Variants in TGFB2 observed in about 807,000 individuals in gnomAD.
TGFB2 encodes the protein transforming growth factor beta-2 proprotein.
A neutral mutation model predicts 42.7 loss-of-function variants in TGFB2; 13 were observed. That is an observed-to-expected ratio of 0.30 (90% CI 0.20 to 0.48). TGFB2 has a LOEUF of 0.48. TGFB2 is among the 20% of genes least tolerant of loss of function. TGFB2 has a pLI of 0.99. For missense variants in TGFB2, 390 were observed against 517.5 expected (o/e 0.75, Z 2.39); for synonymous variants, 193 against 193.6 (o/e 1.00, Z 0.03).
At chr1:218,371,582 G>A (rs544107481) in intron 1 of TGFB2, among the ~76,000 whole-genome samples, 15 of 152,254 alleles carry the variant, frequency 9.9e-5, no homozygotes, top group Middle Eastern at 3.4e-3. Context: ...GTCCTGATAC[G>A]TTATATGGAG....
rs1316319151 is a variant in TGFB2, at chr1:218,347,041, T to C, written c.340T>C (p.Ser114Pro). The C allele has an allele frequency of 1.3e-6, 2 of 1,577,758 alleles. No individual in the cohort carries two copies. The highest frequency in any genetic ancestry group is 1.3e-5 in the African/African-American group (1 of 74,086). ...AATAGACATGCCGCCCTTCTTCCCC[T>C]CCGAAAGTAAGTACTTATTTTGACT... The part of the protein sequence containing the change: ...YKIDMPPFFP[S>P]ENAIPPTFYR... Residue 114 changes from serine to proline, a missense_variant, in exon 1 of 7, where the codon TCC becomes CCC. Coordinates refer to ENST00000366930, the MANE Select transcript of TGFB2 (RefSeq NM_003238.6).
At chr1:218,390,766 G>A (rs963112067) in intron 1 of TGFB2, among the ~76,000 whole-genome samples, 3 of 152,050 alleles carry the variant, frequency 2.0e-5, no homozygotes, top group African/African-American at 7.2e-5. Context: ...AACACCCTTG[G>A]CTCCATTCCA....
At chr1:218,427,781 C>T (rs1659671703) in intron 2 of TGFB2, among the ~76,000 whole-genome samples, 1 of 152,126 alleles carries the variant, frequency 6.6e-6, no homozygotes, top group South Asian at 2.1e-4. Flanking sequence ...GTGAATAGTG[C>T]CGCAATAAAC....
chr1:218,416,884 A>G (rs10482786), intron 2 of TGFB2, among the ~76,000 whole-genome samples: 3,729 of 152,288 alleles, frequency 0.024, 165 homozygotes, highest in African/African-American at 0.085. Flanking sequence ...CCCCCGCACA[A>G]GCTCTCTTTC....
At chr1:218,376,969 C>A (rs1397213414) in intron 1 of TGFB2, among the ~76,000 whole-genome samples, 1 of 152,176 alleles carries the variant, frequency 6.6e-6, no homozygotes, top group African/African-American at 2.4e-5. Flanking sequence ...TGATAGCTCA[C>A]TGCAGCCTTG....
At chr1:218,422,658 C>T (rs778868871) in intron 2 of TGFB2, among the ~76,000 whole-genome samples, 1 of 152,166 alleles carries the variant, frequency 6.6e-6, no homozygotes, top group Non-Finnish European at 1.5e-5. Flanking sequence ...ATCTACCTGG[C>T]AAGGATAGAT....
intron 1 of TGFB2, among the ~76,000 whole-genome samples, chr1:218,382,107 G>GA (rs369727722): frequency 5.4e-5 from 8 of 149,514 alleles, no homozygotes; most frequent in African/African-American, 1.5e-4. Flanking sequence ...CAACTCAACT[G>GA]AAAAAAAAAA....
At chr1:218,409,602 A>G (rs1659029458) in intron 2 of TGFB2, among the ~76,000 whole-genome samples, 1 of 152,222 alleles carries the variant, frequency 6.6e-6, no homozygotes, top group Non-Finnish European at 1.5e-5. Context: ...ATAGTCAGGA[A>G]ACTGAACACA....
intron 6 of TGFB2, 88 bp downstream of exon 6, chr1:218,437,584 C>T (rs962813068): frequency 3.6e-6 from 5 of 1,385,984 alleles, no homozygotes; most frequent in Middle Eastern, 1.9e-4. Flanking sequence ...TAATTAACCT[C>T]GTGCTGTCTT....
chr1:218,436,835 C>G (rs1441018771), intron 5 of TGFB2, among the ~76,000 whole-genome samples: 1 of 152,180 alleles, frequency 6.6e-6, no homozygotes, highest in Non-Finnish European at 1.5e-5. Flanking sequence ...CAGCAAGACT[C>G]CATGTTTCTT....
At chr1:218,356,944 G>C (rs1657054648) in intron 1 of TGFB2, among the ~76,000 whole-genome samples, 1 of 152,230 alleles carries the variant, frequency 6.6e-6, no homozygotes, top group South Asian at 2.1e-4. Flanking sequence ...GGGTGCAGTG[G>C]CTGGCGCCTG....
chr1:218,426,560 T>C (rs1571894163), intron 2 of TGFB2, among the ~76,000 whole-genome samples: 1 of 152,190 alleles, frequency 6.6e-6, no homozygotes. Flanking sequence ...TTATATCTAA[T>C]GATTATATAT....
At chr1:218,415,144 G>A (rs1164110039) in intron 2 of TGFB2, among the ~76,000 whole-genome samples, 1 of 152,184 alleles carries the variant, frequency 6.6e-6, no homozygotes, top group African/African-American at 2.4e-5. Context: ...TAGAGATAAT[G>A]CATGGAAACT....
At chr1:218,380,412 T>A (rs1158159095) in intron 1 of TGFB2, among the ~76,000 whole-genome samples, 1 of 152,120 alleles carries the variant, frequency 6.6e-6, no homozygotes, top group Admixed American at 6.5e-5. Flanking sequence ...AGTCTGAAAC[T>A]GGCAACAGTA....
chr1:218,354,341 A>G (rs540643148), intron 1 of TGFB2, among the ~76,000 whole-genome samples: 2 of 152,310 alleles, frequency 1.3e-5, no homozygotes, highest in Admixed American at 6.5e-5. Flanking sequence ...TCACTATGCT[A>G]AAGAGCACAG....
At chr1:218,419,831 C>A (rs1659396212) in intron 2 of TGFB2, among the ~76,000 whole-genome samples, 1 of 151,970 alleles carries the variant, frequency 6.6e-6, no homozygotes, top group Non-Finnish European at 1.5e-5. Context: ...TAGATAATAA[C>A]CATGTAGGTA....
At chr1:218,408,214 C>T (rs1160797538) in intron 2 of TGFB2, among the ~76,000 whole-genome samples, 2 of 152,112 alleles carry the variant, frequency 1.3e-5, no homozygotes, top group African/African-American at 4.8e-5. Context: ...GTAGCCTCTG[C>T]CAGCAGGCTT....
intron 1 of TGFB2, among the ~76,000 whole-genome samples, chr1:218,366,141 C>A (rs1020686714): frequency 3.9e-5 from 6 of 152,106 alleles, no homozygotes; most frequent in Admixed American, 1.3e-4. Flanking sequence ...TAAAGGTTTT[C>A]CTATTAAGAC....
chr1:218,395,013 G>A (rs1029690841), intron 1 of TGFB2, among the ~76,000 whole-genome samples: 5 of 152,158 alleles, frequency 3.3e-5, no homozygotes, highest in Non-Finnish European at 7.4e-5. Flanking sequence ...TGTCAGGAAT[G>A]AGGGGCCACT....
Sources: allele counts gnomAD v4.1 joint callset (sites outside exome capture counted in the v4.1 genomes callset), GRCh38; gene constraint gnomAD v4.1.1; transcripts MANE v1.5; gene names NCBI Gene and HGNC (gene_info 2026-07-23, HGNC 2026-07-21).